POLR3A: variants seen among roughly 807,000 people sequenced by gnomAD.
POLR3A encodes RNA polymerase III subunit A.
Under a neutral mutation model 152.8 loss-of-function variants are expected in POLR3A, and 112 were observed. The ratio of observed to expected loss-of-function variants is 0.73; its 90% CI spans 0.63 to 0.86. The LOEUF (loss-of-function observed/expected upper bound fraction) is 0.86, where lower values mean the gene tolerates loss of function less well. Among genes scored for constraint, POLR3A ranks in the 40% least tolerant of loss-of-function variants. The pLI, the probability that POLR3A is intolerant of heterozygous loss-of-function variation, is 0.00. For synonymous variants in POLR3A, 615 were observed against 652.1 expected, an observed-to-expected ratio of 0.94 and a Z score of 0.87; for missense variants, 1,385 against 1,743.1, an observed-to-expected ratio of 0.79 and a Z score of 3.66.
At chr10:77,996,935 C>A (rs1000106977) in intron 19 of POLR3A, among the ~76,000 whole-genome samples, 1 of 152,156 alleles carries the variant, frequency 6.6e-6, no homozygotes, top group African/African-American at 2.4e-5. Flanking sequence ...CAAACCGAAT[C>A]CAGCAGCACA....
intron 19 of POLR3A, among the ~76,000 whole-genome samples, chr10:77,998,579 C>T (rs1224346129): frequency 2.6e-5 from 4 of 152,052 alleles, no homozygotes; most frequent in African/African-American, 4.8e-5. Context: ...ATCAGAGAAA[C>T]GGAAATCAAA....
chr10:78,024,450 C>G, intron 5 of POLR3A, 99 bp downstream of exon 5: 2 of 1,189,572 alleles, frequency 1.7e-6, no homozygotes, highest in East Asian at 2.8e-5. Flanking sequence ...AAGTGGGTGT[C>G]TAGGGGTGGG....
At position 78,029,432 on chromosome 10, in the gene POLR3A, T is replaced by G; in HGVS notation, c.-25A>C. ...TGATGACCGCTGCCGGGACGCCTCCTTGGCACTCGGGAGGCCAGATTAGAG... is the reference window on the plus strand; with the variant it reads ...TGATGACCGCTGCCGGGACGCCTCCGTGGCACTCGGGAGGCCAGATTAGAG... On this transcript the variant is annotated 5_prime_UTR_variant, in exon 1 of 31. Transcript: ENST00000372371. The G allele has an allele frequency of 6.2e-7, 1 of 1,613,646 alleles. No individual in the cohort carries two copies. The highest frequency in any genetic ancestry group is 8.5e-7 in the Non-Finnish European group (1 of 1,179,708).
intron 21 of POLR3A, among the ~76,000 whole-genome samples, chr10:77,990,477 T>C (rs922301601): frequency 5.9e-5 from 9 of 152,170 alleles, no homozygotes; most frequent in Admixed American, 5.2e-4. Context: ...AGCATTTTTC[T>C]TCTAACAGGG....
At position 77,975,976 on chromosome 10, in the gene POLR3A, G is replaced by T. The variant is rs1847084793; in HGVS notation, c.*1502C>A. ...AAACCAGGCTCTAGCTCAATTCAAA[G>T]ATAAAGGGGGGTTAAACATTAAGAA... On this transcript the variant is annotated 3_prime_UTR_variant, in exon 31 of 31. Coordinates refer to ENST00000372371, the MANE Select transcript of POLR3A (RefSeq NM_007055.4). The T allele has an allele frequency of 6.6e-6, 1 of 151,982 alleles. No homozygotes were observed. The highest frequency in any genetic ancestry group is 1.5e-5 in the Non-Finnish European group (1 of 68,004). 9.4% of individuals were successfully genotyped at this position (151,982 alleles called of 1,614,324 possible).
intron 27 of POLR3A, 48 bp downstream of exon 27, chr10:77,982,605 C>G: frequency 6.4e-7 from 1 of 1,560,964 alleles, no homozygotes; most frequent in Non-Finnish European, 8.8e-7. Context: ...CTGGGTGTCA[C>G]ACCACAGGGA....
At chr10:78,013,429 C>A (rs1287480707) in intron 11 of POLR3A, 4 of 572,112 alleles carry the variant, frequency 7.0e-6, no homozygotes, top group Non-Finnish European at 1.2e-5. Flanking sequence ...CTGTTACAGA[C>A]CCTAACTCTC....
Position 77,981,473 on chromosome 10 carries a change from G to C in POLR3A, c.3846C>G (p.Ile1282Met), listed in dbSNP as rs116197727. The change falls in exon 29 of 31, where the codon ATC becomes ATG. Residue 1282 changes from isoleucine (I) to methionine (M), a missense_variant. Physicochemically the swap from Ile to Met is conservative, Grantham distance 10. Coordinates refer to ENST00000372371, the MANE Select transcript of POLR3A (RefSeq NM_007055.4). ...QYTMVNHGMSIDRRHVMLLSD... is the reference protein window; with the variant it reads ...QYTMVNHGMSMDRRHVMLLSD... The stretch of plus-strand genomic sequence containing the variant: ...AGAGCAGCATCACGTGCCTCCTGTC[G>C]ATGCTCATGCCGTGGTTCACCATGG... 33 of 1,614,024 alleles carry C rather than the reference G, an allele frequency of 2.0e-5. No homozygotes were observed. The South Asian group carries it at 3.4e-4, about 17-fold the overall frequency.
chr10:77,978,811 C>A (rs1452958163), intron 30 of POLR3A, among the ~76,000 whole-genome samples: 3 of 148,898 alleles, frequency 2.0e-5, no homozygotes, highest in African/African-American at 7.5e-5. Flanking sequence ...CAGGTGCCTG[C>A]CACCGTGCCC....
chr10:77,983,877 C>T, intron 26 of POLR3A, 43 bp downstream of exon 26: 1 of 1,246,420 alleles, frequency 8.0e-7, no homozygotes, highest in Non-Finnish European at 1.2e-6. Context: ...TATCTTGGGA[C>T]TAACAGGATG....
chr10:77,982,948 A>T lies in POLR3A; in HGVS notation c.3430-131T>A, dbSNP rs1249187756. ...CCCCCACCCGCACCATGAAATTAAT[A>T]CCATAAATATGCTACATATGTTTTA... On this transcript the variant is annotated intron_variant, in intron 26 of 30. Coordinates refer to ENST00000372371, the MANE Select transcript of POLR3A (RefSeq NM_007055.4). The T allele has an allele frequency of 1.5e-5, 11 of 736,804 alleles. No homozygotes were observed. In the East Asian group the frequency reaches 2.9e-4, roughly 20 times the overall value. The allele number at this position is 736,804 out of a possible 1,614,324, so 45.6% of individuals were successfully genotyped here.
chr10:78,007,623 T>C, intron 15 of POLR3A, 79 bp downstream of exon 15: 1 of 1,269,502 alleles, frequency 7.9e-7, no homozygotes, highest in Non-Finnish European at 1.2e-6. Context: ...GAAATGGCAG[T>C]AAAAGAACAA....
chr10:78,010,595 C>G (rs373307380), intron 11 of POLR3A, 55 bp from the exon 12 acceptor site: 7 of 1,241,772 alleles, frequency 5.6e-6, no homozygotes, highest in Non-Finnish European at 1.2e-6. Flanking sequence ...TGATGCAGCC[C>G]AAAGCCTGAA....
chr10:77,981,068 G>A (rs1847136376), intron 29 of POLR3A, among the ~76,000 whole-genome samples: 1 of 152,120 alleles, frequency 6.6e-6, no homozygotes, highest in African/African-American at 2.4e-5. Flanking sequence ...GAAGAGTGAT[G>A]GATGGGTTTA....
intron 16 of POLR3A, among the ~76,000 whole-genome samples, chr10:78,002,572 C>T (rs1048746401): frequency 1.3e-5 from 2 of 152,070 alleles, no homozygotes; most frequent in African/African-American, 2.4e-5. Flanking sequence ...CACTCTGTTG[C>T]TGAGGTTGGT....
chr10:78,017,982 T>C (rs542255783), intron 9 of POLR3A, among the ~76,000 whole-genome samples: 3 of 151,662 alleles, frequency 2.0e-5, no homozygotes, highest in South Asian at 4.2e-4. Context: ...GAGAACAGAC[T>C]GGGCAACATG....
chr10:78,002,951 C>T (rs148898257), intron 16 of POLR3A, among the ~76,000 whole-genome samples: 188 of 152,242 alleles, frequency 1.2e-3, no homozygotes, highest in Middle Eastern at 6.8e-3. Context: ...ACACATGCAC[C>T]CCATACAAAT....
intron 26 of POLR3A, among the ~76,000 whole-genome samples, chr10:77,983,669 C>T (rs2131929151): frequency 6.6e-6 from 1 of 152,318 alleles, no homozygotes; most frequent in South Asian, 2.1e-4. Context: ...AATACCGTGT[C>T]ACAGTGAACT....
chr10:78,013,395 G>A, intron 11 of POLR3A: 1 of 495,616 alleles, frequency 2.0e-6, no homozygotes, highest in Non-Finnish European at 3.7e-6. Flanking sequence ...CACATTTATA[G>A]GCCAGAAAAT....
Sources: allele counts gnomAD v4.1 joint callset (sites outside exome capture counted in the v4.1 genomes callset), GRCh38; gene constraint gnomAD v4.1.1; transcripts MANE v1.5; gene names NCBI Gene and HGNC (gene_info 2026-07-23, HGNC 2026-07-21).